SEPTIN7: variants seen among roughly 807,000 people sequenced by gnomAD.
SEPTIN7 encodes septin 7, also known as septin-7.
A neutral mutation model predicts 63.3 loss-of-function variants in SEPTIN7; 10 were observed. The observed-to-expected ratio is 0.16, with a 90% CI of 0.10 to 0.27. SEPTIN7 has a LOEUF of 0.27. Ranked by LOEUF, SEPTIN7 falls within the 10% of genes least tolerant of loss-of-function variation. SEPTIN7 has a pLI of 1.00. For missense variants in SEPTIN7, 310 were observed against 521.0 expected, an observed-to-expected ratio of 0.59 and a Z score of 3.94; for synonymous variants, 131 against 165.3, an observed-to-expected ratio of 0.79 and a Z score of 1.59.
chr7:35,827,962 A>G (rs1003151815), intron 1 of SEPTIN7, among the ~76,000 whole-genome samples: 1 of 152,206 alleles, frequency 6.6e-6, no homozygotes, highest in African/African-American at 2.4e-5. Flanking sequence ...CTGAAAGAGT[A>G]GTCATTCAGA....
intron 3 of SEPTIN7, among the ~76,000 whole-genome samples, chr7:35,859,664 A>G (rs1785400990): frequency 6.6e-6 from 1 of 152,182 alleles, no homozygotes; most frequent in South Asian, 2.1e-4. Flanking sequence ...TACATAATTT[A>G]AAGTTCTGAT....
In SEPTIN7 at chr7:35,902,840, C is replaced by CTTT. The variant is rs34683813; in HGVS notation, c.1135-225_1135-223dup. The CTTT allele has an allele frequency of 2.7e-5, 9 of 331,590 alleles. No individual in the cohort carries two copies. In the South Asian group the frequency reaches 3.4e-4, roughly 13 times the overall value. The allele number at this position is 331,590 out of a possible 1,614,324, so 20.5% of individuals were successfully genotyped here. A position where few individuals can be genotyped will look rare whatever the true frequency, so the allele number is the denominator to read the frequency against. The stretch of plus-strand genomic sequence containing the variant: ...GTACTCCACACTGTTAAGTTTGTTG[C>CTTT]TTTTTTTTTTTTTCCTGTTTCCCAA... On this transcript the variant is annotated intron_variant, in intron 12 of 13. Coordinates refer to ENST00000350320, the MANE Select transcript of SEPTIN7 (RefSeq NM_001788.6).
intron 12 of SEPTIN7, chr7:35,902,264 TATCTA>T (rs1472920965): frequency 6.6e-6 from 1 of 152,018 alleles, no homozygotes; most frequent in Non-Finnish European, 1.5e-5. Context: ...TGAAATTACT[TATCTA>T]ATGATCTCTT....
At chr7:35,895,642 G>A (rs2116357964) in intron 11 of SEPTIN7, among the ~76,000 whole-genome samples, 1 of 152,118 alleles carries the variant, frequency 6.6e-6, no homozygotes, top group Middle Eastern at 3.4e-3. Flanking sequence ...TTTTTATTTA[G>A]GGCACATACC....
Position 35,807,680 on chromosome 7 carries a change from T to G in SEPTIN7, c.61+6410T>G, listed in dbSNP as rs1380725952. 2.0e-5 allele frequency among the ~76,000 whole-genome samples: 3 copies of G among 152,096 alleles called. No individual in the cohort carries two copies. In the East Asian group the frequency reaches 5.8e-4, roughly 29 times the overall value. ...GCCCTGCCAATTTTTGTATTTTTAGTAGAGACAGGGTTTCTCCACATTGGT... is the reference window on the plus strand; with the variant it reads ...GCCCTGCCAATTTTTGTATTTTTAGGAGAGACAGGGTTTCTCCACATTGGT... On this transcript the variant is annotated intron_variant, in intron 1 of 13. Transcript: ENST00000350320.
chr7:35,832,729 G>A, intron 2 of SEPTIN7, 69 bp from the exon 3 acceptor site: 1 of 856,736 alleles, frequency 1.2e-6, no homozygotes, highest in Non-Finnish European at 2.0e-6. Flanking sequence ...GTTAATGAAG[G>A]GAATTTGAAA....
At chr7:35,824,132 T>C (rs541006458) in intron 1 of SEPTIN7, among the ~76,000 whole-genome samples, 11 of 152,298 alleles carry the variant, frequency 7.2e-5, no homozygotes, top group Non-Finnish European at 1.3e-4. Context: ...GTAGTTTTTT[T>C]TTCTGCTTAT....
At chr7:35,902,219 T>G (rs961259680) in intron 12 of SEPTIN7, 19 of 152,002 alleles carry the variant, frequency 1.2e-4, no homozygotes, top group African/African-American at 4.3e-4. Flanking sequence ...TGTTGACTTT[T>G]TTTTTTTTCA....
At chr7:35,879,031 A>G (rs1786662711) in intron 6 of SEPTIN7, among the ~76,000 whole-genome samples, 1 of 152,244 alleles carries the variant, frequency 6.6e-6, no homozygotes, top group African/African-American at 2.4e-5. Flanking sequence ...GGACTAGCTT[A>G]CTAAGAGGAT....
chr7:35,845,473 T>C (rs1426674702), intron 3 of SEPTIN7, among the ~76,000 whole-genome samples: 2 of 152,210 alleles, frequency 1.3e-5, no homozygotes, highest in Non-Finnish European at 2.9e-5. Context: ...GGGGCAAATG[T>C]GTGCTCTTTG....
At chr7:35,884,921 T>C (rs1340330264) in intron 9 of SEPTIN7, among the ~76,000 whole-genome samples, 1 of 152,220 alleles carries the variant, frequency 6.6e-6, no homozygotes, top group Admixed American at 6.5e-5. Flanking sequence ...TTTATTGTAT[T>C]GGTTTAATCT....
intron 3 of SEPTIN7, among the ~76,000 whole-genome samples, chr7:35,843,344 C>T (rs1346086218): frequency 1.3e-5 from 2 of 152,172 alleles, no homozygotes; most frequent in East Asian, 3.8e-4. Context: ...CATTCGTATG[C>T]TCTATTAGAA....
chr7:35,862,330 T>C (rs532926163), intron 3 of SEPTIN7, among the ~76,000 whole-genome samples: 2 of 152,284 alleles, frequency 1.3e-5, no homozygotes, highest in East Asian at 3.9e-4. Flanking sequence ...CTAAACACAA[T>C]TTATTGAGTA....
intron 3 of SEPTIN7, among the ~76,000 whole-genome samples, chr7:35,843,719 A>G (rs1784523686): frequency 6.6e-6 from 1 of 152,218 alleles, no homozygotes; most frequent in African/African-American, 2.4e-5. Flanking sequence ...AGTGTTGCAG[A>G]GTTATAATAT....
intron 1 of SEPTIN7, among the ~76,000 whole-genome samples, chr7:35,829,730 G>A (rs1158251914): frequency 6.6e-6 from 1 of 152,144 alleles, no homozygotes; most frequent in Non-Finnish European, 1.5e-5. Context: ...TTGCGGGCAG[G>A]GTGGAGGTCA....
chr7:35,828,609 C>T (rs1164782145), intron 1 of SEPTIN7, among the ~76,000 whole-genome samples: 7 of 152,160 alleles, frequency 4.6e-5, no homozygotes, highest in African/African-American at 7.2e-5. Flanking sequence ...GATCTCCTGA[C>T]CTTGTGATCC....
intron 8 of SEPTIN7, among the ~76,000 whole-genome samples, chr7:35,883,623 T>G (rs1191298781): frequency 1.3e-5 from 2 of 151,130 alleles, no homozygotes; most frequent in Non-Finnish European, 3.0e-5. Flanking sequence ...TGTAGTGATT[T>G]TTAGTAAATA....
chr7:35,884,694 T>G (rs1191404659), intron 9 of SEPTIN7, among the ~76,000 whole-genome samples: 1 of 152,212 alleles, frequency 6.6e-6, no homozygotes, highest in Non-Finnish European at 1.5e-5. Flanking sequence ...CACAGTCTTC[T>G]TTCCTCAGTG....
intron 1 of SEPTIN7, among the ~76,000 whole-genome samples, chr7:35,803,698 C>T (rs971129477): frequency 1.3e-5 from 2 of 152,110 alleles, no homozygotes; most frequent in African/African-American, 4.8e-5. Context: ...ATGTCTTTTA[C>T]TAAGTTTTGA....
Sources: allele counts gnomAD v4.1 joint callset (sites outside exome capture counted in the v4.1 genomes callset), GRCh38; gene constraint gnomAD v4.1.1; transcripts MANE v1.5; gene names NCBI Gene and HGNC (gene_info 2026-07-23, HGNC 2026-07-21).